The following PDE4C variants were observed in gnomAD, a reference collection of about 807,000 sequenced individuals.
The protein encoded by PDE4C is phosphodiesterase 4C.
PDE4C carries 50 observed loss-of-function variants against 63.9 expected under a neutral mutation model. The observed-to-expected ratio is 0.78, with a 90% CI of 0.62 to 0.99. The LOEUF (loss-of-function observed/expected upper bound fraction) is 0.99, where lower values mean the gene tolerates loss of function less well. Ranked by LOEUF, PDE4C falls within the 50% of genes least tolerant of loss-of-function variation. PDE4C has a pLI of 0.00. For synonymous variants in PDE4C, 377 were observed against 385.1 expected (o/e 0.98, Z 0.25); for missense variants, 777 against 899.1 (o/e 0.86, Z 1.74).
chr19:18,230,114 G>T (rs1399901327), upstream of PDE4C, among the ~76,000 whole-genome samples: 1 of 152,128 alleles, frequency 6.6e-6, no homozygotes, highest in Non-Finnish European at 1.5e-5. Context: ...CACATTTATT[G>T]TCATGATTAT....
rs894921469 is a variant in PDE4C at position 18,233,503 on chromosome 19, C to T, written c.-312G>A. 8.1e-5 allele frequency: 51 copies of T among 632,078 alleles called. 1 individual carries two copies. In the Middle Eastern group the frequency reaches 1.2e-3, roughly 15 times the overall value. The allele number at this position is 632,078 out of a possible 1,614,324, so 39.2% of individuals were successfully genotyped here. A position where few individuals can be genotyped will look rare whatever the true frequency, so the allele number is the denominator to read the frequency against. On this transcript the variant is annotated 5_prime_UTR_variant, in exon 1 of 15. Transcript: ENST00000594465. ...ACCAGCCCCGAAAACCGTCTGCCGT[C>T]CCCTATAGCGCTGCATGGAAAAGAA...
At chr19:18,240,174 G>A (rs1969012806) in intron 1 of PDE4C, among the ~76,000 whole-genome samples, 1 of 151,988 alleles carries the variant, frequency 6.6e-6, no homozygotes, top group South Asian at 2.1e-4. Context: ...AAACTGCCAG[G>A]CATGGTGGCT....
At chr19:18,227,947 C>T (rs1409247497), upstream of PDE4C, among the ~76,000 whole-genome samples, 1 of 152,182 alleles carries the variant, frequency 6.6e-6, no homozygotes, top group East Asian at 1.9e-4. Context: ...GGAGGAGTCA[C>T]ACAGCCCAGA....
At chr19:18,215,769 T>C (rs1968164333) in intron 12 of PDE4C, among the ~76,000 whole-genome samples, 1 of 151,784 alleles carries the variant, frequency 6.6e-6, no homozygotes, top group Non-Finnish European at 1.5e-5. Flanking sequence ...TGCCTCGGCC[T>C]CCCAAACTGT....
chr19:18,232,709 CACACTCTT>C (rs926427576), intron 1 of PDE4C, among the ~76,000 whole-genome samples: 1 of 152,144 alleles, frequency 6.6e-6, no homozygotes, highest in Non-Finnish European at 1.5e-5. Flanking sequence ...CACACACACA[CACACTCTT>C]TCAGTCCCAA....
chr19:18,221,761 AC>A (rs1363062062), intron 2 of PDE4C, among the ~76,000 whole-genome samples: 2 of 151,948 alleles, frequency 1.3e-5, no homozygotes, highest in Non-Finnish European at 2.9e-5. Context: ...AGTAGCTGGG[AC>A]TACAGGCGCG....
upstream of PDE4C, among the ~76,000 whole-genome samples, chr19:18,253,183 T>C (rs1969251195): frequency 6.6e-6 from 1 of 152,138 alleles, no homozygotes; most frequent in African/African-American, 2.4e-5. Flanking sequence ...TTTTCTTTTC[T>C]GTAAAATGGA....
At chr19:18,242,301 C>A (rs1969055044) in intron 1 of PDE4C, among the ~76,000 whole-genome samples, 1 of 151,306 alleles carries the variant, frequency 6.6e-6, no homozygotes, top group South Asian at 2.1e-4. Flanking sequence ...CATAGTGAAA[C>A]CCTTGTCTCT....
intron 1 of PDE4C, among the ~76,000 whole-genome samples, chr19:18,223,429 T>C (rs1456818403): frequency 6.6e-6 from 1 of 152,008 alleles, no homozygotes; most frequent in African/African-American, 2.4e-5. Flanking sequence ...AGGCTGGTCT[T>C]GAACTCCCGA....
chr19:18,224,524 G>A (rs1483109469), intron 1 of PDE4C: 3 of 985,312 alleles, frequency 3.0e-6, no homozygotes, highest in South Asian at 4.7e-5. Flanking sequence ...TTTGTTCGAT[G>A]AGTTCGGGAG....
Position 18,220,563 on chromosome 19 carries a change from A to AC in PDE4C, c.500-49dup. 7 of 1,503,872 alleles carry AC rather than the reference A, an allele frequency of 4.7e-6. No homozygotes were observed. Among genetic ancestry groups the AC allele is most frequent in the South Asian group, 4.6e-5 (4 of 87,454 alleles). The allele number at this position is 1,503,872 out of a possible 1,614,324, so 93.2% of individuals were successfully genotyped here. A position where few individuals can be genotyped will look rare whatever the true frequency, so the allele number is the denominator to read the frequency against. On this transcript the variant is annotated intron_variant, in intron 5 of 14. Transcript: ENST00000262805. The surrounding 1 kb of genome is among the most constrained non-coding windows in gnomAD (Gnocchi z 5.1). ...GCCTGCCCAACCCCCCCGCTCAGGGACCCCACGCCTCTCGCGACTTCGTCT... is the reference window on the plus strand; with the variant it reads ...GCCTGCCCAACCCCCCCGCTCAGGGACCCCCACGCCTCTCGCGACTTCGTCT...
At chr19:18,218,628 C>G (rs1968319639) in intron 9 of PDE4C, 130 bp from the exon 10 acceptor site, 1 of 993,528 alleles carries the variant, frequency 1.0e-6, no homozygotes, top group Non-Finnish European at 1.5e-6. Flanking sequence ...TCTGTGCTCT[C>G]CTGAACTCCT....
At chr19:18,216,745 T>C in exon 12 of PDE4C, 1 of 1,606,628 alleles carries the variant, frequency 6.2e-7, no homozygotes, top group Non-Finnish European at 8.5e-7. Flanking sequence ...CCTCACCATG[T>C]CAATGACCAT....
At chr19:18,225,691 G>A (rs924973517) in intron 1 of PDE4C, 1 of 152,994 alleles carries the variant, frequency 6.5e-6, no homozygotes, top group Non-Finnish European at 1.5e-5. Flanking sequence ...CGAGTGCTTA[G>A]AGGATGCAGC....
In PDE4C at chr19:18,220,492, A is replaced by G. The variant is rs754164808; in HGVS notation, c.523T>C (p.Leu175=). Residue 175 remains leucine (L), a synonymous_variant, in exon 6 of 15, where the codon TTG becomes CTG. Coordinates refer to ENST00000262805, the Ensembl canonical transcript of PDE4C. This position sits in a 1 kb window ranked among gnomAD's most constrained non-coding sequence, Gnocchi z 5.1. ...CAGTCCAGCTCGTCTAGCGTCTCCAATGCCAGCTTCTGCCCCGTGTCCTCT... is the reference window on the plus strand; with the variant it reads ...CAGTCCAGCTCGTCTAGCGTCTCCAGTGCCAGCTTCTGCCCCGTGTCCTCT... 18 of 1,613,922 alleles carry G rather than the reference A, an allele frequency of 1.1e-5. No homozygotes were observed. The highest frequency in any genetic ancestry group is 4.0e-5 in the African/African-American group (3 of 74,884).
At chr19:18,218,303 C>T (rs535666789) in intron 10 of PDE4C, 31 bp downstream of exon 10, 29 of 1,613,236 alleles carry the variant, frequency 1.8e-5, no homozygotes, top group South Asian at 1.1e-4. Flanking sequence ...GCCCTGCACC[C>T]GCCCACCTGC....
At chr19:18,210,155 G>C (rs1220699575), downstream of PDE4C, 1 of 151,970 alleles carries the variant, frequency 6.6e-6, no homozygotes. Context: ...CTGAGTAGCT[G>C]GGATTCTCAG....
upstream of PDE4C, among the ~76,000 whole-genome samples, chr19:18,229,502 A>G (rs1968806484): frequency 6.6e-6 from 1 of 152,050 alleles, no homozygotes; most frequent in South Asian, 2.1e-4. Flanking sequence ...CAGTCTCCCA[A>G]AGTACTGGGA....
intron 1 of PDE4C, 26 bp downstream of exon 1, chr19:18,226,244 C>T: frequency 6.5e-7 from 1 of 1,541,124 alleles, no homozygotes; most frequent in South Asian, 1.2e-5. Flanking sequence ...CCCGGTGACC[C>T]CGCCAGGCCC....
Sources: allele counts gnomAD v4.1 joint callset (sites outside exome capture counted in the v4.1 genomes callset), GRCh38; gene constraint gnomAD v4.1.1; non-coding constraint Gnocchi (gnomAD v3.1); transcripts MANE v1.5; gene names NCBI Gene and HGNC (gene_info 2026-07-23, HGNC 2026-07-21).